Variants in NKAIN2 observed in about 807,000 individuals in gnomAD.
NKAIN2 encodes sodium/potassium transporting ATPase interacting 2.
NKAIN2 carries 14 observed loss-of-function variants against 32.6 expected under a neutral mutation model. The observed-to-expected ratio is 0.43, with a 90% CI of 0.28 to 0.67. NKAIN2 has a LOEUF of 0.67. Ranked by LOEUF, NKAIN2 falls within the 30% of genes least tolerant of loss-of-function variation. The pLI is 0.17. For synonymous variants in NKAIN2, 80 were observed against 87.2 expected (o/e 0.92, Z 0.46); for missense variants, 198 against 258.3 (o/e 0.77, Z 1.60).
At chr6:124,361,731 T>C (rs143076196) in intron 3 of NKAIN2, among the ~76,000 whole-genome samples, 182 of 152,142 alleles carry the variant, frequency 1.2e-3, no homozygotes, top group Non-Finnish European at 2.4e-3. Flanking sequence ...CTTTAGGGAA[T>C]AAAATTGCAC....
At chr6:124,280,104 G>A (rs1323334378) in intron 1 of NKAIN2, among the ~76,000 whole-genome samples, 1 of 152,088 alleles carries the variant, frequency 6.6e-6, no homozygotes, top group Non-Finnish European at 1.5e-5. Flanking sequence ...ATAAACAGCA[G>A]CATGTATTTT....
At chr6:124,763,012 A>C (rs1778343064) in intron 4 of NKAIN2, among the ~76,000 whole-genome samples, 1 of 152,194 alleles carries the variant, frequency 6.6e-6, no homozygotes, top group African/African-American at 2.4e-5. Context: ...AAAATGGGTA[A>C]ACCTGGAGAA....
chr6:124,130,582 G>A (rs184928778), intron 1 of NKAIN2, among the ~76,000 whole-genome samples: 13 of 149,714 alleles, frequency 8.7e-5, no homozygotes, highest in Middle Eastern at 3.5e-3. Flanking sequence ...TATCATATAG[G>A]TATGGTAAGT....
rs532079929 is a variant in NKAIN2, at chr6:124,634,833, AAAAC to A, written c.274-23333_274-23330del. 1.3e-3 allele frequency among the ~76,000 whole-genome samples: 196 copies of A among 152,118 alleles called. 2 individuals are homozygous for A. Among genetic ancestry groups the A allele is most frequent in the African/African-American group, 3.9e-3 (162 of 41,544 alleles). On this transcript the variant is annotated intron_variant, in intron 3 of 6. Transcript: ENST00000368417. ...CAAAGAGAGAATTCTAAAAACAGCA[AAAAC>A]AAACAAACAAACAAACAAAATTCAA...
At chr6:124,273,435 C>T (rs1405468893) in intron 1 of NKAIN2, among the ~76,000 whole-genome samples, 1 of 152,106 alleles carries the variant, frequency 6.6e-6, no homozygotes, top group Admixed American at 6.5e-5. Flanking sequence ...CTGAGGCCTC[C>T]CAGACATGCA....
intron 1 of NKAIN2, among the ~76,000 whole-genome samples, chr6:124,221,394 T>G (rs1422013546): frequency 9.3e-6 from 1 of 107,938 alleles, no homozygotes; most frequent in African/African-American, 3.7e-5. Flanking sequence ...CATCACACTC[T>G]GGGGACTGTT....
At chr6:124,034,366 G>A (rs919607828) in intron 1 of NKAIN2, among the ~76,000 whole-genome samples, 6 of 152,016 alleles carry the variant, frequency 3.9e-5, no homozygotes, top group African/African-American at 1.4e-4. Context: ...GTGAGAACAT[G>A]TGGTATTTGA....
chr6:123,956,098 T>G (rs1239403816), intron 1 of NKAIN2, among the ~76,000 whole-genome samples: 1 of 152,206 alleles, frequency 6.6e-6, no homozygotes, highest in African/African-American at 2.4e-5. Flanking sequence ...AGTATTTCAT[T>G]CTTAAACTTT....
rs371379721 is a variant in NKAIN2, at chr6:123,870,565, A to G, written c.54+66311A>G. Among the ~76,000 whole-genome samples, 60 of 152,282 alleles carry G rather than the reference A, an allele frequency of 3.9e-4. 2 individuals are homozygous for G. Among genetic ancestry groups the G allele is most frequent in the African/African-American group, 1.4e-3 (59 of 41,570 alleles). On this transcript the variant is annotated intron_variant, in intron 1 of 6. Transcript: ENST00000368417. ...GTGGACCATCCTAATGCCCGCCTCA[A>G]AGGAATACTGTGAAAATTAATAATG...
At chr6:124,081,098 T>C (rs1288125031) in intron 1 of NKAIN2, among the ~76,000 whole-genome samples, 2 of 152,148 alleles carry the variant, frequency 1.3e-5, no homozygotes, top group African/African-American at 4.8e-5. Flanking sequence ...TATTAAAAGA[T>C]TTATATTGCA....
chr6:124,709,370 G>T (rs1775299441), intron 4 of NKAIN2, among the ~76,000 whole-genome samples: 1 of 150,872 alleles, frequency 6.6e-6, no homozygotes, highest in Admixed American at 6.6e-5. Flanking sequence ...AGTTAGGGAG[G>T]ATTTCCTCTT....
At chr6:123,912,671 T>G (rs866733507) in intron 1 of NKAIN2, among the ~76,000 whole-genome samples, 4 of 152,184 alleles carry the variant, frequency 2.6e-5, no homozygotes, top group Admixed American at 1.3e-4. Flanking sequence ...TGATGCCTAC[T>G]CCCCTTCACC....
chr6:124,387,186 T>C (rs1772936886), intron 3 of NKAIN2, among the ~76,000 whole-genome samples: 1 of 152,144 alleles, frequency 6.6e-6, no homozygotes, highest in South Asian at 2.1e-4. Context: ...CATACATACA[T>C]TTATATCTTT....
At chr6:124,060,237 C>T (rs1202617599) in intron 1 of NKAIN2, among the ~76,000 whole-genome samples, 2 of 152,218 alleles carry the variant, frequency 1.3e-5, no homozygotes, top group Admixed American at 6.5e-5. Context: ...ATGCCTAGGG[C>T]CTATGCCAGT....
At chr6:124,550,181 C>T (rs1441345592) in intron 3 of NKAIN2, among the ~76,000 whole-genome samples, 1 of 152,094 alleles carries the variant, frequency 6.6e-6, no homozygotes, top group Non-Finnish European at 1.5e-5. Context: ...ATAATTTATT[C>T]AGTTATTTAA....
At chr6:124,276,328 A>G (rs1313287573) in intron 1 of NKAIN2, among the ~76,000 whole-genome samples, 1 of 151,810 alleles carries the variant, frequency 6.6e-6, no homozygotes, top group Non-Finnish European at 1.5e-5. Context: ...ACACACATAC[A>G]CACCATCCTA....
chr6:124,773,285 C>T (rs1778840795), intron 4 of NKAIN2, among the ~76,000 whole-genome samples: 1 of 151,776 alleles, frequency 6.6e-6, no homozygotes, highest in Non-Finnish European at 1.5e-5. Context: ...ACAAGCCTGG[C>T]AGCAAATGGG....
intron 1 of NKAIN2, among the ~76,000 whole-genome samples, chr6:123,901,792 C>G (rs1774600730): frequency 6.6e-6 from 1 of 151,958 alleles, no homozygotes; most frequent in South Asian, 2.1e-4. Flanking sequence ...TCATCTGACA[C>G]AAGAGTTTCC....
At chr6:124,094,561 T>G (rs1266834901) in intron 1 of NKAIN2, among the ~76,000 whole-genome samples, 1 of 152,128 alleles carries the variant, frequency 6.6e-6, no homozygotes, top group Non-Finnish European at 1.5e-5. Context: ...AGATCAGAGA[T>G]CAGTAATTTG....
Sources: allele counts gnomAD v4.1 joint callset (sites outside exome capture counted in the v4.1 genomes callset), GRCh38; gene constraint gnomAD v4.1.1; transcripts MANE v1.5; gene names NCBI Gene and HGNC (gene_info 2026-07-23, HGNC 2026-07-21).